The following C12orf42 variants were observed in gnomAD, a reference collection of about 807,000 sequenced individuals.
C12orf42 encodes uncharacterized protein C12orf42.
Under a neutral mutation model 21.6 loss-of-function variants are expected in C12orf42, and 25 were observed. The observed-to-expected ratio is 1.16, with a 90% CI of 0.84 to 1.62. The LOEUF is 1.62. Among genes scored for constraint, C12orf42 ranks in the 40% most tolerant of loss-of-function variants. C12orf42 has a pLI of 0.00. For missense variants in C12orf42, 483 were observed against 459.3 expected (o/e 1.05, Z -0.47); for synonymous variants, 174 against 175.0 (o/e 0.99, Z 0.05).
At chr12:103,461,186 G>C (rs771048721) in intron 2 of C12orf42, among the ~76,000 whole-genome samples, 9 of 152,170 alleles carry the variant, frequency 5.9e-5, no homozygotes, top group Non-Finnish European at 1.3e-4. Context: ...ATGCAAATAT[G>C]TCATTTGAAA....
At chr12:103,478,283 G>T in intron 2 of C12orf42, 66 bp downstream of exon 2, 1 of 979,496 alleles carries the variant, frequency 1.0e-6, no homozygotes, top group Non-Finnish European at 1.5e-6. Flanking sequence ...CACAATTAGT[G>T]GCTGAAATGG....
At chr12:103,364,585 C>G (rs1330859885) in intron 4 of C12orf42, among the ~76,000 whole-genome samples, 1 of 151,648 alleles carries the variant, frequency 6.6e-6, no homozygotes, top group African/African-American at 2.4e-5. Context: ...ATTAATAGAC[C>G]ATTAGCAAGA....
Position 103,347,493 on chromosome 12 carries a change from T to C in C12orf42, c.259+21394A>G, listed in dbSNP as rs151133954. ...GGTTGGTTCGAAGTCTTTGCTATTG[T>C]GAATAATTACCACTTTTATAGATGC... On this transcript the variant is annotated intron_variant, in intron 4 of 5. Transcript: ENST00000548883. Among the ~76,000 whole-genome samples the C allele has an allele frequency of 3.3e-3, 508 of 152,332 alleles. 3 individuals are homozygous for C. The highest frequency in any genetic ancestry group is 0.012 in the African/African-American group (482 of 41,572).
chr12:103,212,330 C>A, the C12orf42 span, among the ~76,000 whole-genome samples: 1 of 152,170 alleles, frequency 6.6e-6, no homozygotes, highest in East Asian at 1.9e-4. Flanking sequence ...CCATAAAATG[C>A]AGTTAACTAA....
chr12:103,159,780 G>C, the C12orf42 span, among the ~76,000 whole-genome samples: 1 of 152,166 alleles, frequency 6.6e-6, no homozygotes, highest in Non-Finnish European at 1.5e-5. Context: ...ACATGTGTGT[G>C]CACATGCATC....
chr12:103,354,201 T>C (rs952914066), intron 4 of C12orf42, among the ~76,000 whole-genome samples: 2 of 152,156 alleles, frequency 1.3e-5, no homozygotes, highest in Non-Finnish European at 1.5e-5. Flanking sequence ...AGGCTGCTAT[T>C]AGTCCAGTAG....
intron 2 of C12orf42, among the ~76,000 whole-genome samples, chr12:103,429,286 T>C (rs937479147): frequency 2.0e-5 from 3 of 152,158 alleles, no homozygotes; most frequent in Non-Finnish European, 4.4e-5. Context: ...GGATACAAAA[T>C]CAATGTGCAA....
rs150786873 is a variant in C12orf42, at chr12:103,463,451, T to C, written c.78+14898A>G. On this transcript the variant is annotated intron_variant, in intron 2 of 5. Coordinates refer to ENST00000548883, the MANE Select transcript of C12orf42 (RefSeq NM_198521.5). Reference sequence around the variant, plus strand: ...ACATATAGTGAGATAAATATTATTATATGCAATTTGGGAGGAGGTGTTACT... The same window carrying C: ...ACATATAGTGAGATAAATATTATTACATGCAATTTGGGAGGAGGTGTTACT... Among the ~76,000 whole-genome samples, 542 of 152,300 alleles carry C rather than the reference T, an allele frequency of 3.6e-3. 6 individuals are homozygous for C. Among genetic ancestry groups the C allele is most frequent in the African/African-American group, 0.012 (507 of 41,554 alleles).
At chr12:103,328,726 G>C (rs762460209) in intron 4 of C12orf42, among the ~76,000 whole-genome samples, 3 of 152,172 alleles carry the variant, frequency 2.0e-5, no homozygotes, top group Non-Finnish European at 4.4e-5. Context: ...ACCTCTCAGA[G>C]CAGTAGGTTT....
chr12:103,321,630 G>C (rs1404884133), intron 4 of C12orf42, among the ~76,000 whole-genome samples: 1 of 142,118 alleles, frequency 7.0e-6, no homozygotes, highest in Non-Finnish European at 1.5e-5. Flanking sequence ...GTCCAACAAT[G>C]ATAGACTGGA....
At chr12:103,161,420 C>A in the C12orf42 span, 3 of 151,956 alleles carry the variant, frequency 2.0e-5, no homozygotes, top group African/African-American at 4.8e-5. Context: ...AAAATTACCA[C>A]CTACCATCTC....
chr12:103,435,684 G>C (rs1399074277), intron 2 of C12orf42, among the ~76,000 whole-genome samples: 1 of 151,416 alleles, frequency 6.6e-6, no homozygotes, highest in Non-Finnish European at 1.5e-5. Flanking sequence ...AATGAAGCGA[G>C]AAGGGAAGTT....
intron 2 of C12orf42, among the ~76,000 whole-genome samples, chr12:103,449,466 CCT>C (rs752074092): frequency 1.1e-4 from 17 of 151,702 alleles, no homozygotes; most frequent in Non-Finnish European, 2.2e-4. Flanking sequence ...CCAAACACCC[CCT>C]GTTCCCCAAA....
chr12:103,075,263 T>C, the C12orf42 span, among the ~76,000 whole-genome samples: 1 of 152,212 alleles, frequency 6.6e-6, no homozygotes, highest in Non-Finnish European at 1.5e-5. Flanking sequence ...TGTTAGATAT[T>C]ACTTTTGGCC....
rs549862499 is a variant in C12orf42, at chr12:103,339,099, A to G, written c.259+29788T>C. 1.8e-4 allele frequency among the ~76,000 whole-genome samples: 28 copies of G among 152,328 alleles called. No homozygotes were observed. In the South Asian group the frequency reaches 5.4e-3, roughly 29 times the overall value. On this transcript the variant is annotated intron_variant, in intron 4 of 5. Coordinates refer to ENST00000548883, the MANE Select transcript of C12orf42 (RefSeq NM_198521.5). ...GATTTAGAATCCTTTCCTTTTCTTA[A>G]CCTTCACAATAAAAACAATTCAAGA... is the stretch of plus-strand genomic sequence containing the variant.
intron 2 of C12orf42, among the ~76,000 whole-genome samples, chr12:103,417,693 T>C (rs553951093): frequency 1.3e-5 from 2 of 152,328 alleles, no homozygotes; most frequent in East Asian, 3.9e-4. Context: ...TTTTGAATCC[T>C]CTCAGTACCT....
At chr12:103,365,632 A>T (rs1372629297) in intron 4 of C12orf42, among the ~76,000 whole-genome samples, 3 of 152,124 alleles carry the variant, frequency 2.0e-5, no homozygotes, top group African/African-American at 7.2e-5. Flanking sequence ...ACAAAGTTTC[A>T]GGATACAAAA....
At chr12:103,471,644 A>AC (rs1314826101) in intron 2 of C12orf42, among the ~76,000 whole-genome samples, 2 of 152,206 alleles carry the variant, frequency 1.3e-5, no homozygotes, top group African/African-American at 4.8e-5. Flanking sequence ...GGGTCAAAGG[A>AC]CCCCAAACCC....
intron 2 of C12orf42, among the ~76,000 whole-genome samples, chr12:103,466,038 G>A (rs1592933066): frequency 6.6e-6 from 1 of 152,168 alleles, no homozygotes; most frequent in Non-Finnish European, 1.5e-5. Context: ...TGTTCATCAG[G>A]AATATCGACC....
Sources: gnomAD v4.1 joint callset for allele counts (sites outside exome capture counted in the v4.1 genomes callset) on GRCh38, gnomAD v4.1.1 for gene constraint, MANE v1.5 for transcripts, NCBI Gene and HGNC (gene_info 2026-07-23, HGNC 2026-07-21) for gene names.